Variants in RFTN2 observed in about 807,000 individuals in gnomAD.
RFTN2 encodes the protein raftlin-2.
RFTN2 carries 34 observed loss-of-function variants against 52.7 expected under a neutral mutation model. That is an observed-to-expected ratio of 0.64 (90% confidence interval 0.49 to 0.86). RFTN2 has a LOEUF of 0.86. Ranked by LOEUF, RFTN2 falls within the 40% of genes least tolerant of loss-of-function variation. The pLI is 0.00. For synonymous variants in RFTN2, 203 were observed against 217.7 expected, an observed-to-expected ratio of 0.93 and a Z score of 0.59; for missense variants, 536 against 600.1, an observed-to-expected ratio of 0.89 and a Z score of 1.12.
chr2:197,616,915 CT>C lies in RFTN2; in HGVS notation c.1050+884del, dbSNP rs2088154591. Among the ~76,000 whole-genome samples the C allele has an allele frequency of 5.9e-5, 9 of 152,238 alleles. No individual in the cohort carries two copies. In the South Asian group the frequency reaches 1.9e-3, roughly 32 times the overall value. On this transcript the variant is annotated intron_variant, in intron 6 of 8. Coordinates refer to ENST00000295049, the MANE Select transcript of RFTN2 (RefSeq NM_144629.3). ...AAGGTAAAAGTATCCCTGAAACAGCCTGTCAGGGAGGGCCTCAAACACAAAA... is the reference window on the plus strand; with the variant it reads ...AAGGTAAAAGTATCCCTGAAACAGCCGTCAGGGAGGGCCTCAAACACAAAA...
chr2:197,669,477 C>T (rs186814948), intron 1 of RFTN2, among the ~76,000 whole-genome samples: 2 of 152,028 alleles, frequency 1.3e-5, no homozygotes, highest in African/African-American at 2.4e-5. Context: ...ACTAGGACAG[C>T]GGTCCCCAAC....
intron 2 of RFTN2, among the ~76,000 whole-genome samples, chr2:197,645,710 G>A (rs1023770744): frequency 6.6e-6 from 1 of 152,180 alleles, no homozygotes; most frequent in African/African-American, 2.4e-5. Context: ...ACTTGTCATA[G>A]TAGGTCTTTC....
intron 7 of RFTN2, among the ~76,000 whole-genome samples, chr2:197,606,204 C>T (rs1392487913): frequency 6.6e-6 from 1 of 152,154 alleles, no homozygotes; most frequent in Non-Finnish European, 1.5e-5. Flanking sequence ...AGAATACATG[C>T]TCTAGACCTT....
chr2:197,578,436 A>C (rs748460593), intron 8 of RFTN2, among the ~76,000 whole-genome samples: 2 of 152,162 alleles, frequency 1.3e-5, no homozygotes, highest in Non-Finnish European at 2.9e-5. Flanking sequence ...CCAAGCCTGC[A>C]TGTATACATC....
chr2:197,597,829 T>C (rs1337583742), intron 7 of RFTN2, among the ~76,000 whole-genome samples: 2 of 152,218 alleles, frequency 1.3e-5, no homozygotes, highest in Non-Finnish European at 2.9e-5. Flanking sequence ...CTCTGATTTT[T>C]TTCTATCAGG....
At chr2:197,644,494 CAGTT>C (rs1279053145) in intron 2 of RFTN2, among the ~76,000 whole-genome samples, 2 of 152,066 alleles carry the variant, frequency 1.3e-5, no homozygotes, top group Non-Finnish European at 2.9e-5. Context: ...TTTAATTTGT[CAGTT>C]AGAAAGAAAG....
chr2:197,657,438 TCAAA>T (rs1244226461), intron 1 of RFTN2, among the ~76,000 whole-genome samples: 2 of 152,162 alleles, frequency 1.3e-5, no homozygotes, highest in East Asian at 1.9e-4. Flanking sequence ...AGACTTGGCC[TCAAA>T]CACTGAACCT....
intron 8 of RFTN2, among the ~76,000 whole-genome samples, chr2:197,590,491 C>T (rs1361541152): frequency 1.3e-5 from 2 of 152,192 alleles, no homozygotes; most frequent in Admixed American, 6.5e-5. Context: ...ATTGTGCAAT[C>T]CTCAATTTCC....
intron 3 of RFTN2, among the ~76,000 whole-genome samples, chr2:197,639,474 CTTCATTTCA>C (rs1314546158): frequency 1.3e-5 from 2 of 148,844 alleles, no homozygotes; most frequent in Non-Finnish European, 3.0e-5. Context: ...TCCCTTCTCA[CTTCATTTCA>C]TTCATTTCAT....
intron 8 of RFTN2, among the ~76,000 whole-genome samples, chr2:197,572,988 A>G (rs1451499161): frequency 6.6e-6 from 1 of 152,052 alleles, no homozygotes; most frequent in Non-Finnish European, 1.5e-5. Flanking sequence ...AGGCCTCCCT[A>G]CGTGGAACTG....
At chr2:197,578,556 C>G (rs2087455513) in intron 8 of RFTN2, among the ~76,000 whole-genome samples, 1 of 152,082 alleles carries the variant, frequency 6.6e-6, no homozygotes, top group Non-Finnish European at 1.5e-5. Flanking sequence ...CAGAAATTCC[C>G]CTACTGAGCA....
At chr2:197,602,321 T>G (rs2087892690) in intron 7 of RFTN2, among the ~76,000 whole-genome samples, 1 of 152,152 alleles carries the variant, frequency 6.6e-6, no homozygotes, top group Non-Finnish European at 1.5e-5. Context: ...TCTGTCTGCC[T>G]TGGCCTCCCA....
At chr2:197,573,982 C>T (rs1227414987) in intron 8 of RFTN2, among the ~76,000 whole-genome samples, 1 of 152,206 alleles carries the variant, frequency 6.6e-6, no homozygotes, top group Non-Finnish European at 1.5e-5. Context: ...AAGGAAACAC[C>T]TGGATGTCCA....
At chr2:197,618,148 C>T (rs571210593) in intron 5 of RFTN2, 472 of 238,796 alleles carry the variant, frequency 2.0e-3, no homozygotes, top group Non-Finnish European at 3.0e-3. Flanking sequence ...CGAAGCTGGA[C>T]GGTACTGCTG....
intron 1 of RFTN2, among the ~76,000 whole-genome samples, chr2:197,648,192 C>G (rs1314763372): frequency 3.4e-4 from 52 of 152,180 alleles, no homozygotes; most frequent in Non-Finnish European, 1.6e-4. Context: ...CCCTCCTCCC[C>G]TTACATCAGT....
rs1454402694 is a variant in RFTN2, at chr2:197,569,367, GT to G, written c.*2640del. On this transcript the variant is annotated 3_prime_UTR_variant, in exon 9 of 9. Transcript: ENST00000295049. ...AACTCCTTAGGCATAGAGAGCCCAA[GT>G]TTTTTTCTTTTTTTAAAATAATAGG... is the stretch of plus-strand genomic sequence containing the variant. 6.6e-6 allele frequency: 1 copy of G among 152,092 alleles called. No individual in the cohort carries two copies. Among genetic ancestry groups the G allele is most frequent in the African/African-American group, 2.4e-5 (1 of 41,412 alleles). The allele number at this position is 152,092 out of a possible 1,614,324, so 9.4% of individuals were successfully genotyped here.
rs771949964 is a variant in RFTN2 at position 197,633,700 on chromosome 2, A to G, written c.718+18T>C. 6.2e-7 allele frequency: 1 copy of G among 1,605,042 alleles called. No individual in the cohort carries two copies. The highest frequency in any genetic ancestry group is 8.5e-7 in the Non-Finnish European group (1 of 1,173,828). Reference sequence around the variant, plus strand: ...TTAAACTATAGTATATTCTCTTTCTACTAATCTTGTCTATTACCTTCTCCC... The same window carrying G: ...TTAAACTATAGTATATTCTCTTTCTGCTAATCTTGTCTATTACCTTCTCCC... On this transcript the variant is annotated intron_variant, in intron 4 of 8. Transcript: ENST00000295049.
At chr2:197,655,356 A>G (rs2088880277) in intron 1 of RFTN2, among the ~76,000 whole-genome samples, 1 of 152,234 alleles carries the variant, frequency 6.6e-6, no homozygotes, top group South Asian at 2.1e-4. Context: ...TGCACTCTCA[A>G]TAAAGTAAGG....
At chr2:197,588,637 T>C (rs1023376348) in intron 8 of RFTN2, among the ~76,000 whole-genome samples, 1 of 152,234 alleles carries the variant, frequency 6.6e-6, no homozygotes, top group Non-Finnish European at 1.5e-5. Context: ...TACAAATACT[T>C]GTGTGTAGGT....
Sources: allele counts gnomAD v4.1 joint callset (sites outside exome capture counted in the v4.1 genomes callset), GRCh38; gene constraint gnomAD v4.1.1; transcripts MANE v1.5; gene names NCBI Gene and HGNC (gene_info 2026-07-23, HGNC 2026-07-21).